Variants in PCLO observed in about 807,000 individuals in gnomAD.
PCLO encodes protein piccolo.
A neutral mutation model predicts 427.5 loss-of-function variants in PCLO; 82 were observed. That is an observed-to-expected ratio of 0.19 (90% CI 0.16 to 0.23). The LOEUF (loss-of-function observed/expected upper bound fraction) is 0.23. PCLO is among the 10% of genes least tolerant of loss of function. The pLI, the probability that PCLO is intolerant of heterozygous loss-of-function variation, is 1.00. For synonymous variants in PCLO, 2,357 were observed against 2,155.4 expected (o/e 1.09, Z -2.59); for missense variants, 6,239 against 6,115.9 (o/e 1.02, Z -0.67).
chr7:83,025,991 G>T (rs960200373), intron 3 of PCLO, among the ~76,000 whole-genome samples: 44 of 151,632 alleles, frequency 2.9e-4, no homozygotes, highest in African/African-American at 8.5e-4. Context: ...TACCAGCCGC[G>T]GCAAAATCAT....
At chr7:82,899,666 T>A (rs1450439536) in intron 9 of PCLO, among the ~76,000 whole-genome samples, 1 of 151,522 alleles carries the variant, frequency 6.6e-6, no homozygotes, top group Non-Finnish European at 1.5e-5. Context: ...AAAATAACAT[T>A]TTCTTTTTGT....
chr7:82,901,563 A>G (rs1274572885), intron 9 of PCLO, among the ~76,000 whole-genome samples: 1 of 152,108 alleles, frequency 6.6e-6, no homozygotes, highest in Non-Finnish European at 1.5e-5. Context: ...ACAAAAGCCA[A>G]AATTGACAAA....
intron 3 of PCLO, among the ~76,000 whole-genome samples, chr7:83,051,205 T>C (rs1330481212): frequency 6.6e-6 from 1 of 151,978 alleles, no homozygotes; most frequent in East Asian, 1.9e-4. Context: ...GTACTAAAAT[T>C]CTTAGCTAAT....
At chr7:82,809,766 T>C (rs1009337251) in intron 20 of PCLO, among the ~76,000 whole-genome samples, 1 of 151,598 alleles carries the variant, frequency 6.6e-6, no homozygotes, top group Non-Finnish European at 1.5e-5. Flanking sequence ...TTCCATGTTC[T>C]TTGTCAAAGA....
chr7:83,151,242 T>C (rs1031226927), intron 2 of PCLO, among the ~76,000 whole-genome samples: 13 of 152,334 alleles, frequency 8.5e-5, no homozygotes, highest in African/African-American at 1.7e-4. Context: ...ATATCACTAA[T>C]ACTGTTGATC....
chr7:82,761,368 G>T lies in PCLO; in HGVS notation c.15133C>A (p.His5045Asn). The T allele has an allele frequency of 6.8e-7, 1 of 1,462,288 alleles. No individual in the cohort carries two copies. The highest frequency in any genetic ancestry group is 9.4e-7 in the Non-Finnish European group (1 of 1,064,848). The allele number at this position is 1,462,288 out of a possible 1,614,324, so 90.6% of individuals were successfully genotyped here. A position where few individuals can be genotyped will look rare whatever the true frequency, so the allele number is the denominator to read the frequency against. The change falls in exon 23 of 25, where the codon CAT becomes AAT. Residue 5045 changes from histidine to asparagine, a missense_variant. Physicochemically the swap from His to Asn is moderately conservative, Grantham distance 68. Around this residue, in one of 5 missense-constraint regions of PCLO, gnomAD observed 877 missense variants for 925.5 expected, o/e 0.95. Coordinates refer to ENST00000333891, the MANE Select transcript of PCLO (RefSeq NM_033026.6). Reference protein sequence around the residue: ...NITYKFKSPDHLPDLYVKIYV... With the variant: ...NITYKFKSPDNLPDLYVKIYV... ...TAATAGAATTAGATACCTGGTAGAT[G>T]ATCAGGAGACTTAAATTTGTATGTA...
At chr7:82,966,611 A>G (rs1795780864) in intron 3 of PCLO, 124 bp from the exon 4 acceptor site, 1 of 495,084 alleles carries the variant, frequency 2.0e-6, no homozygotes, top group Non-Finnish European at 3.4e-6. Flanking sequence ...AAGGTGGGTC[A>G]CTGTTTTCCA....
At chr7:83,110,176 A>C (rs1326765533) in intron 3 of PCLO, among the ~76,000 whole-genome samples, 2 of 151,562 alleles carry the variant, frequency 1.3e-5, no homozygotes, top group Non-Finnish European at 2.9e-5. Context: ...AGGCCTTTAC[A>C]GTGTTTAAAA....
At position 82,916,601 on chromosome 7, in the gene PCLO, A is replaced by G; in HGVS notation, c.11385T>C (p.Asp3795=). 1.2e-6 allele frequency: 2 copies of G among 1,613,606 alleles called. No individual in the cohort carries two copies. Among genetic ancestry groups the G allele is most frequent in the South Asian group, 1.1e-5 (1 of 91,076 alleles). ...AELDEEEKEI[D]AKLRYLEMGI... ...CCATTTCCAGGTATCGTAGCTTAGCATCAATCTCCTTTTCTTCTTCATCAA... is the reference window on the plus strand; with the variant it reads ...CCATTTCCAGGTATCGTAGCTTAGCGTCAATCTCCTTTTCTTCTTCATCAA... The change falls in exon 7 of 25, where the codon GAT becomes GAC. Residue 3795 remains aspartate, a synonymous_variant. Coordinates refer to ENST00000333891, the MANE Select transcript of PCLO (RefSeq NM_033026.6).
At position 83,155,206 on chromosome 7, in the gene PCLO, G is replaced by A. The variant is rs1384152847; in HGVS notation, c.1435C>T (p.Pro479Ser). Residue 479 changes from proline (P) to serine (S), a missense_variant, in exon 2 of 25, where the codon CCC becomes TCC. Coordinates refer to ENST00000333891, the MANE Select transcript of PCLO (RefSeq NM_033026.6). ...PPSQLPGPAK[P>S]PPQQPGPAKP... ...GCTGGGCCAGGCTGTTGAGGTGGGG[G>A]CTTTGCTGGGCCAGGCAGTTGTGAA... 6.2e-7 allele frequency: 1 copy of A among 1,613,232 alleles called. No individual in the cohort carries two copies. The highest frequency in any genetic ancestry group is 8.5e-7 in the Non-Finnish European group (1 of 1,179,772).
At position 82,755,028 on chromosome 7, in the gene PCLO, A is replaced by T. The variant is rs941703072; in HGVS notation, c.*3547T>A. ...TTTAATGAAATGAAGCATTGATCAA[A>T]TAATTTCTAATAAATTGGGCACAAT... On this transcript the variant is annotated 3_prime_UTR_variant, in exon 25 of 25. Transcript: ENST00000333891. The T allele has an allele frequency of 6.6e-6, 1 of 152,134 alleles. No homozygotes were observed. Among genetic ancestry groups the T allele is most frequent in the Non-Finnish European group, 1.5e-5 (1 of 67,984 alleles). 9.4% of individuals were successfully genotyped at this position (152,134 alleles called of 1,614,324 possible). A position where few individuals can be genotyped will look rare whatever the true frequency, so the allele number is the denominator to read the frequency against.
chr7:82,865,115 C>G (rs1793060462), intron 10 of PCLO, among the ~76,000 whole-genome samples: 1 of 151,978 alleles, frequency 6.6e-6, no homozygotes, highest in South Asian at 2.1e-4. Context: ...AAAACTGTGG[C>G]TCTTGGCTGC....
At chr7:82,938,411 A>G (rs529405273) in intron 6 of PCLO, among the ~76,000 whole-genome samples, 1 of 151,990 alleles carries the variant, frequency 6.6e-6, no homozygotes, top group Non-Finnish European at 1.5e-5. Context: ...TTTCTAGTAG[A>G]AAAGAAAATG....
chr7:83,072,626 C>G (rs1272565141), intron 3 of PCLO, among the ~76,000 whole-genome samples: 2 of 152,002 alleles, frequency 1.3e-5, no homozygotes, highest in African/African-American at 4.8e-5. Flanking sequence ...CTGGGAGTCA[C>G]CTTATTCAGC....
chr7:82,783,635 C>T (rs1254258180), intron 22 of PCLO, among the ~76,000 whole-genome samples: 1 of 151,850 alleles, frequency 6.6e-6, no homozygotes, highest in African/African-American at 2.4e-5. Flanking sequence ...ACCAACCAAC[C>T]AAACAAAAAT....
rs140768843 is a variant in PCLO at position 83,023,192 on chromosome 7, T to C, written c.3301-56705A>G. Among the ~76,000 whole-genome samples, 8 of 152,262 alleles carry C rather than the reference T, an allele frequency of 5.3e-5. No individual in the cohort carries two copies. The East Asian group carries it at 1.5e-3, about 29-fold the overall frequency. On this transcript the variant is annotated intron_variant, in intron 3 of 24. Coordinates refer to ENST00000333891, the MANE Select transcript of PCLO (RefSeq NM_033026.6). The stretch of plus-strand genomic sequence containing the variant: ...AAAAAGCTAAGAGTATATGGCAAAA[T>C]GATTTTATGACTTCCAAATCTACTA...
At chr7:83,124,412 C>G (rs1305518789) in intron 3 of PCLO, among the ~76,000 whole-genome samples, 1 of 149,798 alleles carries the variant, frequency 6.7e-6, no homozygotes, top group African/African-American at 2.5e-5. Flanking sequence ...CATATGAAAA[C>G]CTGCTCAACA....
At position 82,939,656 on chromosome 7, in the gene PCLO, T is replaced by G. The variant is rs1365657089; in HGVS notation, c.11112+9820A>C. ...AGATTTTCCACTGGAAATATATATATATATAGAGAGAGAGAGAAATAGATA... is the reference window on the plus strand; with the variant it reads ...AGATTTTCCACTGGAAATATATATAGATATAGAGAGAGAGAGAAATAGATA... On this transcript the variant is annotated intron_variant, in intron 6 of 24. Transcript: ENST00000333891. 5.4e-5 allele frequency among the ~76,000 whole-genome samples: 8 copies of G among 147,484 alleles called. No homozygotes were observed. In the East Asian group the frequency reaches 5.8e-4, roughly 11 times the overall value.
At chr7:83,051,343 AAG>A (rs1340451359) in intron 3 of PCLO, among the ~76,000 whole-genome samples, 1 of 152,178 alleles carries the variant, frequency 6.6e-6, no homozygotes, top group Non-Finnish European at 1.5e-5. Context: ...TTGAAATAAT[AAG>A]TGATTATAGC....
Sources: allele counts gnomAD v4.1 joint callset (sites outside exome capture counted in the v4.1 genomes callset), GRCh38; gene constraint gnomAD v4.1.1; regional missense constraint gnomAD v4.1.1; transcripts MANE v1.5; gene names NCBI Gene and HGNC (gene_info 2026-07-23, HGNC 2026-07-21).